SNTB2: variants seen among roughly 807,000 people sequenced by gnomAD.
SNTB2 encodes the protein syntrophin beta 2.
SNTB2 carries 34 observed loss-of-function variants against 46.2 expected under a neutral mutation model. The observed-to-expected ratio is 0.74, with a 90% CI of 0.56 to 0.98. SNTB2 has a LOEUF of 0.98. Among genes scored for constraint, SNTB2 ranks in the 50% least tolerant of loss-of-function variants. The pLI is 0.00. For missense variants in SNTB2, 603 were observed against 731.4 expected (o/e 0.82, Z 2.02); for synonymous variants, 290 against 312.6 (o/e 0.93, Z 0.76).
chr16:69,287,832 C>T (rs1258733166), intron 5 of SNTB2, among the ~76,000 whole-genome samples: 1 of 151,872 alleles, frequency 6.6e-6, no homozygotes, highest in African/African-American at 2.4e-5. Context: ...GCACTCCAAC[C>T]TGGGCAACAG....
At chr16:69,257,539 G>A (rs774549558) in intron 2 of SNTB2, among the ~76,000 whole-genome samples, 2 of 151,734 alleles carry the variant, frequency 1.3e-5, no homozygotes, top group East Asian at 1.9e-4. Context: ...CTCCGCCTCC[G>A]GGTTCATGCC....
At chr16:69,225,836 C>T (rs1030764393) in intron 1 of SNTB2, among the ~76,000 whole-genome samples, 1 of 152,118 alleles carries the variant, frequency 6.6e-6, no homozygotes, top group African/African-American at 2.4e-5. Flanking sequence ...GATGTGATCT[C>T]GGCTCAGTGC....
intron 1 of SNTB2, among the ~76,000 whole-genome samples, chr16:69,221,637 ATGG>A (rs1188272887): frequency 1.3e-5 from 2 of 152,118 alleles, no homozygotes; most frequent in Non-Finnish European, 2.9e-5. Context: ...TTAGCCAAGC[ATGG>A]TGGCGCACGC....
chr16:69,270,340 A>G (rs1964925925), intron 4 of SNTB2, 55 bp downstream of exon 4: 1 of 1,593,702 alleles, frequency 6.3e-7, no homozygotes, highest in African/African-American at 1.3e-5. Flanking sequence ...TAAATCTACA[A>G]AAGAATTTTA....
intron 4 of SNTB2, 75 bp from the exon 5 acceptor site, chr16:69,283,973 C>A: frequency 1.5e-6 from 2 of 1,359,644 alleles, no homozygotes; most frequent in South Asian, 1.4e-5. Context: ...TTTCTCTTAT[C>A]AATGAGCACA....
chr16:69,294,753 A>G (rs1345652757), intron 5 of SNTB2, among the ~76,000 whole-genome samples: 1 of 150,432 alleles, frequency 6.6e-6, no homozygotes, highest in Non-Finnish European at 1.5e-5. Context: ...AAATAAAAGC[A>G]CCTACCGCAG....
intron 2 of SNTB2, among the ~76,000 whole-genome samples, chr16:69,257,731 C>T (rs1027072815): frequency 1.3e-5 from 2 of 152,172 alleles, no homozygotes; most frequent in East Asian, 3.8e-4. Flanking sequence ...AGGCGTAAGC[C>T]ACCGCGCCCA....
chr16:69,212,118 C>G (rs1270187637), intron 1 of SNTB2, among the ~76,000 whole-genome samples: 2 of 152,162 alleles, frequency 1.3e-5, no homozygotes, highest in African/African-American at 4.8e-5. Flanking sequence ...CCTTTCCTAG[C>G]TACTTTCATT....
intron 4 of SNTB2, among the ~76,000 whole-genome samples, chr16:69,277,336 A>G (rs1964992665): frequency 6.6e-6 from 1 of 152,232 alleles, no homozygotes; most frequent in African/African-American, 2.4e-5. Flanking sequence ...ATACCAAATG[A>G]GATTTTTTTA....
chr16:69,228,231 C>T (rs1438898896), intron 1 of SNTB2, among the ~76,000 whole-genome samples: 2 of 151,974 alleles, frequency 1.3e-5, no homozygotes, highest in South Asian at 2.1e-4. Flanking sequence ...TATGACCGGC[C>T]GCGGTGGCTG....
intron 1 of SNTB2, among the ~76,000 whole-genome samples, chr16:69,241,510 C>T (rs531845340): frequency 2.0e-4 from 29 of 145,492 alleles, no homozygotes; most frequent in Admixed American, 1.2e-3. Context: ...CCAGGGTGGG[C>T]GTGGTGGCTC....
chr16:69,234,247 C>T (rs909248006), intron 1 of SNTB2, among the ~76,000 whole-genome samples: 3 of 152,194 alleles, frequency 2.0e-5, no homozygotes, highest in East Asian at 1.9e-4. Context: ...GTGGGAGGAT[C>T]GCTTAAGCCT....
intron 1 of SNTB2, among the ~76,000 whole-genome samples, chr16:69,227,989 C>A (rs1245586409): frequency 1.3e-5 from 2 of 151,834 alleles, no homozygotes; most frequent in African/African-American, 4.8e-5. Context: ...TCCTGAGTAG[C>A]TTGGACTACA....
At chr16:69,208,928 T>A (rs761418007) in intron 1 of SNTB2, among the ~76,000 whole-genome samples, 1 of 151,782 alleles carries the variant, frequency 6.6e-6, no homozygotes, top group Non-Finnish European at 1.5e-5. Flanking sequence ...TATTTGTTTG[T>A]TGTATGAACA....
intron 1 of SNTB2, among the ~76,000 whole-genome samples, chr16:69,244,443 C>A (rs981026505): frequency 6.6e-6 from 1 of 152,096 alleles, no homozygotes; most frequent in Non-Finnish European, 1.5e-5. Flanking sequence ...ATTATAAAAC[C>A]TTTTATACCT....
intron 1 of SNTB2, among the ~76,000 whole-genome samples, chr16:69,234,682 T>TA (rs1964539923): frequency 6.6e-6 from 1 of 151,700 alleles, no homozygotes; most frequent in South Asian, 2.1e-4. Context: ...CAGAAGACAT[T>TA]ATGTGTTATA....
In SNTB2 at chr16:69,307,435, T is replaced by C. The variant is rs540827307; in HGVS notation, c.*6511T>C. 6.6e-6 allele frequency: 1 copy of C among 152,322 alleles called. No individual in the cohort carries two copies. The highest frequency in any genetic ancestry group is 2.4e-5 in the African/African-American group (1 of 41,574). 9.4% of individuals were successfully genotyped at this position (152,322 alleles called of 1,614,324 possible). On this transcript the variant is annotated 3_prime_UTR_variant, in exon 7 of 7. Transcript: ENST00000336278. ...TTGGGAAAGAGAACAGTATACAGTATCCTTTGTAAGATAAATCACAACAAC... is the reference window on the plus strand; with the variant it reads ...TTGGGAAAGAGAACAGTATACAGTACCCTTTGTAAGATAAATCACAACAAC...
rs981733930 is a variant in SNTB2 at position 69,215,450 on chromosome 16, A to G, written c.580+27704A>G. Reference sequence around the variant, plus strand: ...AGAAGCCATTATGGTTCATACGTGTATGTTCTCCTACTCATTCCAGGTACT... The same window carrying G: ...AGAAGCCATTATGGTTCATACGTGTGTGTTCTCCTACTCATTCCAGGTACT... On this transcript the variant is annotated intron_variant, in intron 1 of 6. Transcript: ENST00000336278. Among the ~76,000 whole-genome samples the G allele has an allele frequency of 4.8e-4, 73 of 152,196 alleles. 1 individual carries two copies. Among genetic ancestry groups the G allele is most frequent in the African/African-American group, 1.6e-3 (68 of 41,458 alleles).
intron 5 of SNTB2, among the ~76,000 whole-genome samples, chr16:69,295,173 T>C (rs1418162864): frequency 6.6e-6 from 1 of 151,406 alleles, no homozygotes; most frequent in Non-Finnish European, 1.5e-5. Flanking sequence ...TGTGCTGCTA[T>C]TGTGTGTCTT....
Sources: allele counts gnomAD v4.1 joint callset (sites outside exome capture counted in the v4.1 genomes callset), GRCh38; gene constraint gnomAD v4.1.1; transcripts MANE v1.5; gene names NCBI Gene and HGNC (gene_info 2026-07-23, HGNC 2026-07-21).